The following SERGEF variants were observed in gnomAD, a reference collection of about 807,000 sequenced individuals.
SERGEF encodes the protein secretion-regulating guanine nucleotide exchange factor.
In SERGEF, 51 loss-of-function variants were observed where a neutral mutation model predicts 50.0. The observed-to-expected ratio is 1.02, with a 90% confidence interval of 0.81 to 1.29. SERGEF has a LOEUF of 1.29. Ranked by LOEUF, SERGEF falls within the 50% of genes most tolerant of loss-of-function variation. The pLI is 0.00. For synonymous variants in SERGEF, 205 were observed against 212.4 expected, an observed-to-expected ratio of 0.97 and a Z score of 0.30; for missense variants, 521 against 557.0, an observed-to-expected ratio of 0.94 and a Z score of 0.65.
chr11:17,797,274 G>A (rs960386522), intron 10 of SERGEF, among the ~76,000 whole-genome samples: 5 of 152,304 alleles, frequency 3.3e-5, no homozygotes, highest in South Asian at 2.1e-4. Context: ...AAACAACAGC[G>A]GGTCTCCAGC....
intron 9 of SERGEF, among the ~76,000 whole-genome samples, chr11:17,915,340 A>C (rs1441363660): frequency 1.3e-5 from 2 of 152,196 alleles, no homozygotes; most frequent in Admixed American, 1.3e-4. Flanking sequence ...TCACAAGATC[A>C]CAGAATATCA....
At chr11:17,853,951 G>A (rs559117483) in intron 10 of SERGEF, 36 of 149,860 alleles carry the variant, frequency 2.4e-4, no homozygotes, top group African/African-American at 8.9e-4. Context: ...AAATCGGGAG[G>A]CAGAGGTTGC....
intron 8 of SERGEF, among the ~76,000 whole-genome samples, chr11:17,982,835 A>T (rs1026199734): frequency 6.6e-6 from 1 of 152,242 alleles, no homozygotes; most frequent in Non-Finnish European, 1.5e-5. Flanking sequence ...AGGAAAACAA[A>T]TAATAAAAAA....
At chr11:17,879,532 T>C (rs1851301622) in intron 9 of SERGEF, among the ~76,000 whole-genome samples, 1 of 152,230 alleles carries the variant, frequency 6.6e-6, no homozygotes, top group East Asian at 1.9e-4. Context: ...GCCACCATTC[T>C]ATCCTCTACT....
At chr11:17,988,801 C>A in intron 7 of SERGEF, 46 bp from the exon 8 acceptor site, 1 of 1,558,130 alleles carries the variant, frequency 6.4e-7, no homozygotes, top group Non-Finnish European at 8.8e-7. Context: ...GAACATTAGT[C>A]CAAAATGATG....
chr11:17,805,735 G>C (rs2133830022), intron 10 of SERGEF, among the ~76,000 whole-genome samples: 1 of 152,228 alleles, frequency 6.6e-6, no homozygotes, highest in East Asian at 1.9e-4. Context: ...TCAAAAGATG[G>C]GTGCGATCCC....
At chr11:17,824,225 C>T (rs1269610971) in intron 10 of SERGEF, among the ~76,000 whole-genome samples, 5 of 151,930 alleles carry the variant, frequency 3.3e-5, no homozygotes, top group African/African-American at 9.7e-5. Context: ...GGCGTGAACC[C>T]AGGAGGCGGA....
chr11:17,788,546 G>C (rs184596118), intron 10 of SERGEF, 133 bp from the exon 11 acceptor site: 1 of 698,544 alleles, frequency 1.4e-6, no homozygotes, highest in South Asian at 2.6e-5. Flanking sequence ...GACACATGGC[G>C]GCATCCTCCC....
chr11:17,797,441 TC>T (rs1405879317), intron 10 of SERGEF, among the ~76,000 whole-genome samples: 1 of 152,242 alleles, frequency 6.6e-6, no homozygotes, highest in Non-Finnish European at 1.5e-5. Context: ...AGCCACAGGT[TC>T]ATTCCTTCAT....
chr11:17,916,138 A>G (rs1374898815), intron 9 of SERGEF, among the ~76,000 whole-genome samples: 3 of 152,218 alleles, frequency 2.0e-5, no homozygotes, highest in Non-Finnish European at 4.4e-5. Context: ...ATAACTTTCC[A>G]AACAAAATGC....
In SERGEF at chr11:17,878,207, C is replaced by G. The variant is rs1211100158; in HGVS notation, c.1048+1G>C. ...CAGTTATCAGTATAAAAATTACTTA[C>G]CAATTATTGCCAAATTATGCTCTGA... On this transcript the variant is annotated splice_donor_variant, in intron 10 of 10. Coordinates refer to ENST00000265965, the MANE Select transcript of SERGEF (RefSeq NM_012139.4). LOFTEE classifies it high-confidence loss of function. 1.3e-6 allele frequency: 2 copies of G among 1,576,320 alleles called. No individual in the cohort carries two copies. The highest frequency in any genetic ancestry group is 1.7e-6 in the Non-Finnish European group (2 of 1,152,260).
chr11:17,871,779 A>G (rs1364577885), intron 10 of SERGEF, among the ~76,000 whole-genome samples: 2 of 152,224 alleles, frequency 1.3e-5, no homozygotes, highest in South Asian at 2.1e-4. Flanking sequence ...GCCTAAATCT[A>G]TAAGATTGAA....
chr11:17,921,435 A>T (rs1314965098), intron 9 of SERGEF, among the ~76,000 whole-genome samples: 1 of 152,204 alleles, frequency 6.6e-6, no homozygotes, highest in Admixed American at 6.5e-5. Context: ...AGTGCCTAAG[A>T]CATAATAGGT....
intron 8 of SERGEF, among the ~76,000 whole-genome samples, chr11:17,978,968 C>T (rs1256355704): frequency 6.6e-6 from 1 of 152,204 alleles, no homozygotes; most frequent in African/African-American, 2.4e-5. Context: ...TGCTACACTT[C>T]TCTAGACCAC....
At chr11:17,864,901 G>A (rs968812259) in intron 10 of SERGEF, among the ~76,000 whole-genome samples, 1 of 152,164 alleles carries the variant, frequency 6.6e-6, no homozygotes, top group Non-Finnish European at 1.5e-5. Context: ...ACAGGACCCA[G>A]GAAGGCAGCC....
chr11:17,934,145 T>C (rs1422968584), intron 9 of SERGEF, among the ~76,000 whole-genome samples: 1 of 152,142 alleles, frequency 6.6e-6, no homozygotes, highest in African/African-American at 2.4e-5. Context: ...TGTCCAGGTA[T>C]AGATATCACT....
chr11:17,936,965 C>A (rs1852463297), intron 9 of SERGEF, among the ~76,000 whole-genome samples: 1 of 152,006 alleles, frequency 6.6e-6, no homozygotes, highest in Non-Finnish European at 1.5e-5. Flanking sequence ...GAGATTTGAC[C>A]AAAGATTTAA....
intron 9 of SERGEF, among the ~76,000 whole-genome samples, chr11:17,948,999 C>G (rs1007578026): frequency 6.6e-5 from 10 of 152,246 alleles, no homozygotes; most frequent in Admixed American, 3.3e-4. Flanking sequence ...GACAGAACCA[C>G]TATATCACAA....
intron 10 of SERGEF, among the ~76,000 whole-genome samples, chr11:17,875,767 T>TC (rs1851227383): frequency 6.6e-6 from 1 of 152,242 alleles, no homozygotes; most frequent in South Asian, 2.1e-4. Context: ...CACACATTCA[T>TC]CAGACATTAA....
Sources: gnomAD v4.1 joint callset for allele counts (sites outside exome capture counted in the v4.1 genomes callset) on GRCh38, gnomAD v4.1.1 for gene constraint, MANE v1.5 for transcripts, NCBI Gene and HGNC (gene_info 2026-07-23, HGNC 2026-07-21) for gene names.